GPHN: variants seen among roughly 807,000 people sequenced by gnomAD.
GPHN encodes the protein gephyrin.
In GPHN, 17 loss-of-function variants were observed where a neutral mutation model predicts 95.5. The observed-to-expected ratio is 0.18, with a 90% confidence interval of 0.12 to 0.27. GPHN has a LOEUF of 0.27. Ranked by LOEUF, GPHN falls within the 10% of genes least tolerant of loss-of-function variation. GPHN has a pLI of 1.00. For synonymous variants in GPHN, 320 were observed against 322.5 expected (o/e 0.99, Z 0.08); for missense variants, 660 against 978.1 (o/e 0.67, Z 4.34).
the GPHN span, among the ~76,000 whole-genome samples, chr14:67,203,964 G>A: frequency 6.6e-6 from 1 of 152,100 alleles, no homozygotes; most frequent in African/African-American, 2.4e-5. Context: ...CACCCGCCTT[G>A]GCCTCCCAAA....
intron 10 of GPHN, among the ~76,000 whole-genome samples, chr14:67,046,363 A>G (rs1443307407): frequency 6.6e-6 from 1 of 152,158 alleles, no homozygotes; most frequent in African/African-American, 2.4e-5. Context: ...CTCTAGGCAG[A>G]AACAGCATCA....
At chr14:67,072,567 T>G (rs992313132) in intron 11 of GPHN, among the ~76,000 whole-genome samples, 9 of 152,080 alleles carry the variant, frequency 5.9e-5, no homozygotes, top group Admixed American at 6.6e-5. Context: ...TATTTAATTG[T>G]GAGACAAAAG....
intron 10 of GPHN, among the ~76,000 whole-genome samples, chr14:67,056,233 C>T (rs185147990): frequency 1.2e-3 from 190 of 152,302 alleles, no homozygotes; most frequent in African/African-American, 4.2e-3. Flanking sequence ...CTGATTGGTG[C>T]GTTTACAAAC....
chr14:67,323,232 C>CGT, the GPHN span, among the ~76,000 whole-genome samples: 162 of 143,616 alleles, frequency 1.1e-3, no homozygotes, highest in Middle Eastern at 0.014. Flanking sequence ...CATATATACA[C>CGT]GTGTGTGTGT....
At chr14:67,700,533 A>G in the GPHN span, among the ~76,000 whole-genome samples, 2 of 150,268 alleles carry the variant, frequency 1.3e-5, no homozygotes, top group African/African-American at 2.5e-5. Flanking sequence ...GGCTAACACG[A>G]TGAAACCCCG....
chr14:67,478,388 T>C, the GPHN span, among the ~76,000 whole-genome samples: 1 of 152,238 alleles, frequency 6.6e-6, no homozygotes, highest in African/African-American at 2.4e-5. Flanking sequence ...CTCCTCTTCA[T>C]TACTCTTCTC....
rs150046535 is a variant in GPHN at position 66,547,265 on chromosome 14, T to C, written c.64+38674T>C. Among the ~76,000 whole-genome samples, 10 of 152,386 alleles carry C rather than the reference T, an allele frequency of 6.6e-5. No individual in the cohort carries two copies. In the East Asian group the frequency reaches 1.7e-3, roughly 26 times the overall value. On this transcript the variant is annotated intron_variant, in intron 1 of 22. Transcript: ENST00000478722. ...TAGGTCTCATATTTTTCACCATATG[T>C]TATTTTCTGATTCACAGTTTCTGGT...
At chr14:66,924,806 A>T (rs1165994330) in intron 8 of GPHN, among the ~76,000 whole-genome samples, 1 of 152,090 alleles carries the variant, frequency 6.6e-6, no homozygotes, top group African/African-American at 2.4e-5. Context: ...GTGATTCCTC[A>T]TCATAAGTAA....
chr14:67,722,640 A>G, the GPHN span: 7 of 1,613,656 alleles, frequency 4.3e-6, no homozygotes, highest in South Asian at 5.5e-5. Context: ...AGAAGTTGGA[A>G]CGATGCTGGT....
downstream of GPHN, among the ~76,000 whole-genome samples, chr14:67,185,941 C>T (rs146614070): frequency 4.6e-5 from 7 of 152,138 alleles, no homozygotes; most frequent in African/African-American, 1.4e-4. Flanking sequence ...GATGGGTCTA[C>T]ATTAAATAAT....
At chr14:67,107,247 GGTCT>G (rs1267141904) in intron 13 of GPHN, among the ~76,000 whole-genome samples, 1 of 152,098 alleles carries the variant, frequency 6.6e-6, no homozygotes, top group Non-Finnish European at 1.5e-5. Context: ...CTTGGTGTTA[GGTCT>G]GACATGCCCT....
At chr14:66,983,010 G>A (rs924391307) in intron 9 of GPHN, among the ~76,000 whole-genome samples, 11 of 152,112 alleles carry the variant, frequency 7.2e-5, no homozygotes, top group African/African-American at 2.7e-4. Context: ...TGGCACTTTT[G>A]GGAGGCCGAG....
the GPHN span, chr14:67,323,797 A>C: frequency 3.8e-6 from 6 of 1,572,772 alleles, no homozygotes; most frequent in Non-Finnish European, 5.2e-6. Context: ...TGGCCAAAGA[A>C]GGCAAGAATC....
chr14:67,286,489 CTT>C, the GPHN span, among the ~76,000 whole-genome samples: 1 of 152,206 alleles, frequency 6.6e-6, no homozygotes, highest in East Asian at 1.9e-4. Context: ...TGTTGAAAAA[CTT>C]AGGTGGATTT....
chr14:67,471,913 A>G, the GPHN span: 1 of 152,260 alleles, frequency 6.6e-6, no homozygotes, highest in Non-Finnish European at 1.5e-5. Context: ...GAGACCATGT[A>G]CCATGGGGTG....
chr14:67,171,236 C>T (rs2082581623), intron 21 of GPHN, among the ~76,000 whole-genome samples: 1 of 152,026 alleles, frequency 6.6e-6, no homozygotes, highest in African/African-American at 2.4e-5. Flanking sequence ...AAAATGTCAT[C>T]CTTTCATATC....
chr14:67,646,061 G>A, the GPHN span, among the ~76,000 whole-genome samples: 2 of 152,198 alleles, frequency 1.3e-5, no homozygotes, highest in Admixed American at 6.5e-5. Context: ...GGACTTCTTG[G>A]TTAGAGGCTC....
the GPHN span, chr14:67,579,945 C>G: frequency 1.4e-6 from 2 of 1,406,968 alleles, no homozygotes; most frequent in African/African-American, 1.4e-5. Flanking sequence ...GGAAAGAGCC[C>G]ATCTGATGGG....
At chr14:67,577,236 T>C in the GPHN span, 1 of 969,636 alleles carries the variant, frequency 1.0e-6, no homozygotes, top group East Asian at 2.6e-5. Context: ...AAGATGGCGG[T>C]GAGTGGGAGA....
Sources: gnomAD v4.1 joint callset for allele counts (sites outside exome capture counted in the v4.1 genomes callset) on GRCh38, gnomAD v4.1.1 for gene constraint, MANE v1.5 for transcripts, NCBI Gene and HGNC (gene_info 2026-07-23, HGNC 2026-07-21) for gene names.